The following GPC4 variants were observed in gnomAD, a reference collection of about 807,000 sequenced individuals.
GPC4 encodes glypican 4, also known as glypican-4.
In GPC4, 10 loss-of-function variants were observed where a neutral mutation model predicts 35.0. The observed-to-expected ratio is 0.29, with a 90% CI of 0.18 to 0.48. The LOEUF (loss-of-function observed/expected upper bound fraction) is 0.48, where lower values mean the gene tolerates loss of function less well. GPC4 is among the 20% of genes least tolerant of loss of function. The pLI is 0.99. For missense variants in GPC4, 322 were observed against 451.3 expected, an observed-to-expected ratio of 0.71 and a Z score of 2.60; for synonymous variants, 167 against 170.2, an observed-to-expected ratio of 0.98 and a Z score of 0.15.
At chrX:133,333,819 AT>A (rs2068431159) in intron 2 of GPC4, among the ~76,000 whole-genome samples, 1 of 112,571 alleles carries the variant, frequency 8.9e-6, no homozygotes, top group Non-Finnish European at 1.9e-5. Context: ...GAAAGCAATG[AT>A]TTTTTTAATG....
At position 133,300,118 on chromosome X, in the gene GPC4, C is replaced by G. The variant is rs1364473094; in HGVS notation, c.*2749G>C. On this transcript the variant is annotated 3_prime_UTR_variant, in exon 9 of 9. Coordinates refer to ENST00000370828, the MANE Select transcript of GPC4 (RefSeq NM_001448.3). Reference sequence around the variant, plus strand: ...GAAATTTGTGTAGCACCATTCATACCTATTTTTATTTTGATTCTGTAATCA... The same window carrying G: ...GAAATTTGTGTAGCACCATTCATACGTATTTTTATTTTGATTCTGTAATCA... The G allele has an allele frequency of 8.9e-6, 1 of 112,591 alleles. No individual in the cohort carries two copies. The highest frequency in any genetic ancestry group is 9.4e-5 in the Admixed American group (1 of 10,657). The allele number at this position is 112,591 out of a possible 1,213,427, so 9.3% of individuals were successfully genotyped here.
chrX:133,414,855 G>C lies in GPC4; in HGVS notation c.111C>G (p.Tyr37Ter). The change falls in exon 1 of 9, where the codon TAC becomes TAG. Residue 37 changes from tyrosine (Y) to a stop codon, truncating the protein, a stop_gained. Transcript: ENST00000370828. LOFTEE classifies it high-confidence loss of function. ...CGTTCTTGTTGAAGCCTTTGGACAC[G>C]TAAAGACGTCGCACTTCCGAGCAAC... ...SKSCSEVRRL[Y>*]VSKGFNKNDA... The C allele has an allele frequency of 8.3e-7, 1 of 1,211,900 alleles. No homozygotes were observed. The highest frequency in any genetic ancestry group is 1.7e-5 in the African/African-American group (1 of 57,957).
chrX:133,366,223 T>C (rs1398743477), intron 1 of GPC4, among the ~76,000 whole-genome samples: 4 of 112,428 alleles, frequency 3.6e-5, no homozygotes, highest in African/African-American at 6.5e-5. Flanking sequence ...CCAAATGTTA[T>C]TACATAATGG....
chrX:133,330,920 C>G (rs2068417033), intron 2 of GPC4, among the ~76,000 whole-genome samples: 1 of 109,590 alleles, frequency 9.1e-6, no homozygotes, highest in South Asian at 3.9e-4. Flanking sequence ...CCAGCCTGGG[C>G]AACAGAGTGA....
At chrX:133,327,275 C>T (rs1472418715) in intron 2 of GPC4, among the ~76,000 whole-genome samples, 1 of 111,436 alleles carries the variant, frequency 9.0e-6, no homozygotes, top group Admixed American at 9.6e-5. Context: ...TTTTAAGGAA[C>T]GTCACCTAGA....
In GPC4 at chrX:133,415,084, G is replaced by A. The variant is rs1232320389; in HGVS notation, c.-119C>T. The A allele has an allele frequency of 4.2e-6, 3 of 718,073 alleles. No homozygotes were observed. The highest frequency in any genetic ancestry group is 6.0e-6 in the Non-Finnish European group (3 of 498,758). The allele number at this position is 718,073 out of a possible 1,213,427, so 59.2% of individuals were successfully genotyped here. On this transcript the variant is annotated 5_prime_UTR_variant, in exon 1 of 9. Coordinates refer to ENST00000370828, the MANE Select transcript of GPC4 (RefSeq NM_001448.3). Reference sequence around the variant, plus strand: ...GCGAGTGGAGCTGGAGGGAGAAGGAGTTGGAGTTGGTGGAAGAGGCGAGCA... The same window carrying A: ...GCGAGTGGAGCTGGAGGGAGAAGGAATTGGAGTTGGTGGAAGAGGCGAGCA...
intron 3 of GPC4, among the ~76,000 whole-genome samples, chrX:133,312,227 C>T (rs929203101): frequency 2.7e-5 from 3 of 110,982 alleles, no homozygotes; most frequent in Non-Finnish European, 3.8e-5. Context: ...GAGTACAGGA[C>T]ATGTCACTGC....
intron 1 of GPC4, among the ~76,000 whole-genome samples, chrX:133,377,906 T>G (rs1167508852): frequency 1.0e-5 from 1 of 99,607 alleles, no homozygotes; most frequent in African/African-American, 3.7e-5. Context: ...TTTTTTTTTT[T>G]GCTTTTGATT....
chrX:133,315,369 T>A (rs1264660283), intron 3 of GPC4, among the ~76,000 whole-genome samples: 1 of 110,537 alleles, frequency 9.0e-6, no homozygotes, highest in Non-Finnish European at 1.9e-5. Context: ...TGGCACTTAC[T>A]GTCACATGGT....
intron 1 of GPC4, among the ~76,000 whole-genome samples, chrX:133,354,438 G>C (rs2068530591): frequency 8.9e-6 from 1 of 112,150 alleles, no homozygotes; most frequent in African/African-American, 3.2e-5. Context: ...AAACACTGTA[G>C]TGTACTTTAA....
intron 4 of GPC4, among the ~76,000 whole-genome samples, chrX:133,308,428 A>T: frequency 8.9e-6 from 1 of 112,318 alleles, no homozygotes; most frequent in Non-Finnish European, 1.9e-5. Context: ...ATAATTTATG[A>T]TTCTCCAGAA....
chrX:133,361,778 G>A (rs1304946403), intron 1 of GPC4, among the ~76,000 whole-genome samples: 2 of 111,570 alleles, frequency 1.8e-5, no homozygotes, highest in East Asian at 2.8e-4. Flanking sequence ...AAATTGTATC[G>A]TTCATTTTCC....
rs1201530185 is a variant in GPC4 at position 133,301,361 on chromosome X, A to T, written c.*1506T>A. On this transcript the variant is annotated 3_prime_UTR_variant, in exon 9 of 9. Coordinates refer to ENST00000370828, the MANE Select transcript of GPC4 (RefSeq NM_001448.3). ...TTTAGTCTTTCTGAAGACTTCTGGG[A>T]ACTCCTTTGAAAGTGATTTGTTACA... The T allele has an allele frequency of 8.9e-6, 1 of 112,707 alleles. No homozygotes were observed. The highest frequency in any genetic ancestry group is 1.9e-5 in the Non-Finnish European group (1 of 53,349). The allele number at this position is 112,707 out of a possible 1,213,427, so 9.3% of individuals were successfully genotyped here.
At chrX:133,307,584 GA>G (rs746677916) in intron 4 of GPC4, among the ~76,000 whole-genome samples, 1 of 111,147 alleles carries the variant, frequency 9.0e-6, no homozygotes, top group African/African-American at 3.3e-5. Context: ...CTACAGGAGA[GA>G]AAAAAAATGC....
intron 3 of GPC4, among the ~76,000 whole-genome samples, chrX:133,319,435 C>T (rs1370461852): frequency 1.4e-5 from 1 of 73,155 alleles, no homozygotes; most frequent in Non-Finnish European, 2.4e-5. Flanking sequence ...CAGAGCAAGA[C>T]CCTATGTCAA....
intron 1 of GPC4, among the ~76,000 whole-genome samples, chrX:133,377,916 T>TTTTTAGA (rs2068642796): frequency 1.2e-5 from 1 of 82,233 alleles, no homozygotes; most frequent in Non-Finnish European, 2.3e-5. Context: ...TGCTTTTGAT[T>TTTTTAGA]CAGGCTCTCG....
At chrX:133,368,368 C>G (rs1340712028) in intron 1 of GPC4, among the ~76,000 whole-genome samples, 2 of 111,621 alleles carry the variant, frequency 1.8e-5, no homozygotes, top group African/African-American at 6.5e-5. Context: ...TTCATTTACA[C>G]AGCTCTGCAG....
At chrX:133,342,469 G>A (rs1452635385) in intron 1 of GPC4, among the ~76,000 whole-genome samples, 1 of 112,306 alleles carries the variant, frequency 8.9e-6, no homozygotes, top group Non-Finnish European at 1.9e-5. Flanking sequence ...CTTGGCTAAT[G>A]TTTCTGCTGG....
intron 1 of GPC4, among the ~76,000 whole-genome samples, chrX:133,362,193 G>A (rs1256546463): frequency 1.9e-5 from 2 of 106,645 alleles, no homozygotes; most frequent in Non-Finnish European, 3.9e-5. Context: ...CAGCCTGGGT[G>A]ACAGAGTAAG....
Sources: gnomAD v4.1 joint callset for allele counts (sites outside exome capture counted in the v4.1 genomes callset) on GRCh38, gnomAD v4.1.1 for gene constraint, MANE v1.5 for transcripts, NCBI Gene and HGNC (gene_info 2026-07-23, HGNC 2026-07-21) for gene names.